The following EIF4G3 variants were observed in gnomAD, a reference collection of about 807,000 sequenced individuals.
EIF4G3 encodes the protein eukaryotic translation initiation factor 4 gamma 3, also known as eIF-4-gamma 3.
In EIF4G3, 34 loss-of-function variants were observed where a neutral mutation model predicts 186.4. The ratio of observed to expected loss-of-function variants is 0.18; its 90% CI spans 0.14 to 0.24. The LOEUF (loss-of-function observed/expected upper bound fraction) is 0.24. Among genes scored for constraint, EIF4G3 ranks in the 10% least tolerant of loss-of-function variants. The pLI is 1.00. For synonymous variants in EIF4G3, 673 were observed against 679.5 expected, an observed-to-expected ratio of 0.99 and a Z score of 0.15; for missense variants, 1,536 against 1,948.5, an observed-to-expected ratio of 0.79 and a Z score of 3.99.
intron 2 of EIF4G3, among the ~76,000 whole-genome samples, chr1:21,158,923 G>T (rs529324133): frequency 3.0e-4 from 46 of 151,526 alleles, no homozygotes; most frequent in Non-Finnish European, 5.6e-4. Flanking sequence ...AAAGACACTA[G>T]ATCTGCAGGT....
In EIF4G3 at chr1:20,865,117, G is replaced by A. The variant is rs1414031246; in HGVS notation, c.2768C>T (p.Ala923Val). 1.2e-6 allele frequency: 2 copies of A among 1,613,878 alleles called. No homozygotes were observed. The highest frequency in any genetic ancestry group is 2.7e-5 in the African/African-American group (2 of 74,888). ...CTGTCTTTCTATGAAAATACTTACA[G>A]CACTGGCAGCCTCAAGTTCTTTCTG... ...KKQKELEAAS[A>V]PEERTRLHDE... The change falls in exon 21 of 37, where the codon GCT (alanine) becomes GTT (valine). Residue 923 changes from alanine (A) to valine (V), a missense_variant and splice_region_variant. By Grantham distance (64) the Ala-to-Val change is moderately conservative. Coordinates refer to ENST00000602326, the MANE Select transcript of EIF4G3 (RefSeq NM_001391906.1).
chr1:21,101,565 A>AAAAAAAAAAAAAAC (rs1168660715), intron 2 of EIF4G3, among the ~76,000 whole-genome samples: 2 of 141,766 alleles, frequency 1.4e-5, no homozygotes, highest in Non-Finnish European at 3.1e-5. Flanking sequence ...GTCTCAGGAA[A>AAAAAAAAAAAAAAC]AAAAAAAAAA....
At chr1:21,123,535 A>T (rs1410959219) in intron 2 of EIF4G3, among the ~76,000 whole-genome samples, 1 of 150,998 alleles carries the variant, frequency 6.6e-6, no homozygotes, top group Non-Finnish European at 1.5e-5. Context: ...ACTGCATTCC[A>T]GCCTGGGCAA....
At chr1:20,898,351 T>G (rs892131586) in intron 16 of EIF4G3, among the ~76,000 whole-genome samples, 1 of 152,174 alleles carries the variant, frequency 6.6e-6, no homozygotes, top group South Asian at 2.1e-4. Context: ...AAATAAAAAC[T>G]TTTAAAAATA....
chr1:20,955,027 A>AG (rs1283067502), intron 12 of EIF4G3, among the ~76,000 whole-genome samples: 1 of 152,222 alleles, frequency 6.6e-6, no homozygotes, highest in Non-Finnish European at 1.5e-5. Context: ...TAAAAGGAAG[A>AG]GTATTCCATG....
At chr1:21,172,086 T>C (rs572360730) in intron 2 of EIF4G3, among the ~76,000 whole-genome samples, 1 of 149,324 alleles carries the variant, frequency 6.7e-6, no homozygotes, top group African/African-American at 2.5e-5. Context: ...TAGCTTGTGT[T>C]TGACTGTCAC....
At chr1:21,057,093 AG>A in intron 3 of EIF4G3, among the ~76,000 whole-genome samples, 1 of 152,296 alleles carries the variant, frequency 6.6e-6, no homozygotes, top group Non-Finnish European at 1.5e-5. Flanking sequence ...CACTTTGGGA[AG>A]CAATTTGGCA....
intron 2 of EIF4G3, among the ~76,000 whole-genome samples, chr1:21,138,972 C>G (rs370305660): frequency 3.9e-5 from 6 of 152,200 alleles, no homozygotes; most frequent in African/African-American, 1.4e-4. Flanking sequence ...GCAGCCTTGA[C>G]CTCCTGGGCT....
At chr1:21,045,361 G>A (rs2093821370) in intron 4 of EIF4G3, among the ~76,000 whole-genome samples, 1 of 152,128 alleles carries the variant, frequency 6.6e-6, no homozygotes, top group Non-Finnish European at 1.5e-5. Flanking sequence ...GAAGAACTCT[G>A]CTTAGTATTT....
chr1:20,943,831 G>T (rs904269097), intron 13 of EIF4G3, among the ~76,000 whole-genome samples: 2 of 152,160 alleles, frequency 1.3e-5, no homozygotes, highest in African/African-American at 4.8e-5. Context: ...TATAGGCACA[G>T]AAGCTGGTGC....
intron 11 of EIF4G3, among the ~76,000 whole-genome samples, chr1:20,970,439 C>A (rs2075627969): frequency 6.6e-6 from 1 of 151,054 alleles, no homozygotes; most frequent in African/African-American, 2.4e-5. Context: ...CGATGAAACT[C>A]CATCTCTACT....
chr1:20,883,606 G>C (rs1043658634), intron 19 of EIF4G3, among the ~76,000 whole-genome samples: 7 of 151,110 alleles, frequency 4.6e-5, no homozygotes, highest in African/African-American at 1.7e-4. Flanking sequence ...GACAGAGCGA[G>C]AGCGAGACTC....
intron 14 of EIF4G3, among the ~76,000 whole-genome samples, chr1:20,909,049 G>A (rs563660213): frequency 3.9e-5 from 6 of 152,250 alleles, no homozygotes; most frequent in African/African-American, 1.4e-4. Flanking sequence ...CTACTCGGGA[G>A]GCTGAGGCAG....
chr1:21,169,903 A>G (rs943910814), intron 2 of EIF4G3, among the ~76,000 whole-genome samples: 1 of 152,232 alleles, frequency 6.6e-6, no homozygotes, highest in East Asian at 1.9e-4. Context: ...CAGGCCAGGC[A>G]CGGTGGCTCA....
intron 12 of EIF4G3, among the ~76,000 whole-genome samples, chr1:20,963,903 G>A (rs1325917191): frequency 6.6e-6 from 1 of 150,486 alleles, no homozygotes; most frequent in Non-Finnish European, 1.5e-5. Flanking sequence ...ACTCTAGCCT[G>A]GGTGACAGAG....
chr1:20,912,397 T>C (rs1326285590), intron 14 of EIF4G3, among the ~76,000 whole-genome samples: 1 of 151,132 alleles, frequency 6.6e-6, no homozygotes, highest in Non-Finnish European at 1.5e-5. Context: ...TGTGGCCACA[T>C]AACGGCTAAG....
intron 2 of EIF4G3, among the ~76,000 whole-genome samples, chr1:21,157,312 C>T (rs560580503): frequency 6.6e-6 from 1 of 152,142 alleles, no homozygotes; most frequent in East Asian, 1.9e-4. Context: ...CACTGACTTT[C>T]AAGGTTCTGA....
chr1:20,950,419 C>T lies in EIF4G3; in HGVS notation c.715-308G>A, dbSNP rs371934773. Among the ~76,000 whole-genome samples, 28 of 152,112 alleles carry T rather than the reference C, an allele frequency of 1.8e-4. No homozygotes were observed. In the South Asian group the frequency reaches 5.2e-3, roughly 28 times the overall value. On this transcript the variant is annotated intron_variant, in intron 12 of 36. Transcript: ENST00000602326. ...CCCAGTGTTCCTTCTAAGGACAAGC[C>T]GACTTGTCAACCTAACAATAGACGA...
chr1:21,154,755 A>G (rs188857886), intron 2 of EIF4G3, among the ~76,000 whole-genome samples: 45 of 152,342 alleles, frequency 3.0e-4, no homozygotes, highest in Middle Eastern at 3.4e-3. Flanking sequence ...TATGCTATGT[A>G]TCTATGCATC....
Sources: gnomAD v4.1 joint callset for allele counts (sites outside exome capture counted in the v4.1 genomes callset) on GRCh38, gnomAD v4.1.1 for gene constraint, MANE v1.5 for transcripts, NCBI Gene and HGNC (gene_info 2026-07-23, HGNC 2026-07-21) for gene names.